PTTG1IP2: variants seen among roughly 807,000 people sequenced by gnomAD.
PTTG1IP2 encodes PTTG1IP family member 2.
chr7:90,505,220 A>C (rs1489499929), intron 6 of PTTG1IP2, among the ~76,000 whole-genome samples: 1 of 152,210 alleles, frequency 6.6e-6, no homozygotes, highest in Non-Finnish European at 1.5e-5. Flanking sequence ...AGGGTATTCG[A>C]TGCCTTTTCA....
rs922208594 is a variant in PTTG1IP2, at chr7:90,488,910, T to A, written c.326T>A (p.Val109Glu). The A allele has an allele frequency of 1.3e-5, 2 of 151,988 alleles. No individual in the cohort carries two copies. Among genetic ancestry groups the A allele is most frequent in the Non-Finnish European group, 2.9e-5 (2 of 67,846 alleles). The allele number at this position is 151,988 out of a possible 1,614,324, so 9.4% of individuals were successfully genotyped here. Reference sequence around the variant, plus strand: ...ATCATGATGCTTCTACTCATTGCAGTATTAATTACAGGATTCGTTTGGTAC... The same window carrying A: ...ATCATGATGCTTCTACTCATTGCAGAATTAATTACAGGATTCGTTTGGTAC... ...FGIMMLLLIA[V>E]LITGFVWYCC... The change falls in exon 4 of 7, where the codon GTA (valine) becomes GAA (glutamate). Residue 109 changes from valine (V) to glutamate (E), a missense_variant. Val to Glu is a moderately radical substitution (Grantham distance 121). Coordinates refer to ENST00000509356, the MANE Select transcript of PTTG1IP2 (RefSeq NM_001365443.2).
At chr7:90,477,148 C>T (rs532894715) in intron 1 of PTTG1IP2, among the ~76,000 whole-genome samples, 2 of 151,890 alleles carry the variant, frequency 1.3e-5, no homozygotes, top group African/African-American at 2.4e-5. Context: ...ACAGAAGTCA[C>T]GAAAAATGTA....
At chr7:90,503,840 TGA>T (rs1390725681) in intron 6 of PTTG1IP2, among the ~76,000 whole-genome samples, 2 of 152,130 alleles carry the variant, frequency 1.3e-5, no homozygotes, top group African/African-American at 4.8e-5. Flanking sequence ...TACCAAAATG[TGA>T]TAGAGACACA....
At chr7:90,510,906 A>G (rs1798182378) in intron 6 of PTTG1IP2, among the ~76,000 whole-genome samples, 1 of 152,202 alleles carries the variant, frequency 6.6e-6, no homozygotes, top group Non-Finnish European at 1.5e-5. Context: ...AAAACTTGGA[A>G]AATACCACTG....
intron 2 of PTTG1IP2, among the ~76,000 whole-genome samples, chr7:90,485,970 G>A (rs868673719): frequency 2.0e-5 from 3 of 152,298 alleles, no homozygotes; most frequent in African/African-American, 7.2e-5. Flanking sequence ...TTCGGCAACC[G>A]TCCAGGAGGA....
At chr7:90,493,641 A>G (rs999141462) in intron 5 of PTTG1IP2, among the ~76,000 whole-genome samples, 6 of 152,206 alleles carry the variant, frequency 3.9e-5, no homozygotes, top group African/African-American at 1.4e-4. Context: ...TCAAATTCAC[A>G]AGGCAGGATG....
At chr7:90,477,127 G>T (rs1797756957) in intron 1 of PTTG1IP2, among the ~76,000 whole-genome samples, 1 of 152,172 alleles carries the variant, frequency 6.6e-6, no homozygotes, top group Non-Finnish European at 1.5e-5. Flanking sequence ...AAGAGAGCTA[G>T]GAGAAATGAT....
At chr7:90,510,670 A>C (rs995792958) in intron 6 of PTTG1IP2, among the ~76,000 whole-genome samples, 11 of 152,218 alleles carry the variant, frequency 7.2e-5, no homozygotes, top group Admixed American at 2.0e-4. Context: ...AAAGTTTTTG[A>C]AGTTTCTCCA....
In PTTG1IP2 at chr7:90,493,286, G is replaced by A. The variant is rs28947782; in HGVS notation, c.451+977G>A. On this transcript the variant is annotated intron_variant, in intron 5 of 6. Coordinates refer to ENST00000509356, the MANE Select transcript of PTTG1IP2 (RefSeq NM_001365443.2). ...AGGGTAAACCTTTTAGGGTAAGGAT[G>A]AAATGGTAAGCACATACACACTCTT... Among the ~76,000 whole-genome samples, 119 of 152,236 alleles carry A rather than the reference G, an allele frequency of 7.8e-4. 3 individuals are homozygous for A. Among genetic ancestry groups the A allele is most frequent in the Admixed American group, 4.2e-3 (64 of 15,292 alleles).
At chr7:90,513,250 A>C (rs1798209221) in intron 6 of PTTG1IP2, 28 bp from the exon 7 acceptor site, 1 of 152,626 alleles carries the variant, frequency 6.6e-6, no homozygotes, top group South Asian at 2.1e-4. Context: ...TTGTATTTCC[A>C]ATAATGAATG....
At chr7:90,488,299 AC>A (rs1382409428) in intron 3 of PTTG1IP2, among the ~76,000 whole-genome samples, 2 of 142,702 alleles carry the variant, frequency 1.4e-5, no homozygotes, top group Non-Finnish European at 3.1e-5. Context: ...TAAAGAAGTT[AC>A]ACTTCTTGTA....
chr7:90,496,097 A>T lies in PTTG1IP2; in HGVS notation c.*50+1667A>T, dbSNP rs891119000. ...AATTTTGCACCTATATTCATCAGGGATATTAGCCCGCAATTTTCTTTTCTC... is the reference window on the plus strand; with the variant it reads ...AATTTTGCACCTATATTCATCAGGGTTATTAGCCCGCAATTTTCTTTTCTC... On this transcript the variant is annotated intron_variant, in intron 6 of 6. Coordinates refer to ENST00000509356, the MANE Select transcript of PTTG1IP2 (RefSeq NM_001365443.2). Among the ~76,000 whole-genome samples the T allele has an allele frequency of 1.1e-4, 16 of 152,282 alleles. No individual in the cohort carries two copies. In the East Asian group the frequency reaches 2.9e-3, roughly 28 times the overall value.
At chr7:90,482,709 G>A (rs1584692950) in intron 2 of PTTG1IP2, among the ~76,000 whole-genome samples, 1 of 152,126 alleles carries the variant, frequency 6.6e-6, no homozygotes, top group African/African-American at 2.4e-5. Context: ...GTGTCACAAT[G>A]ATAAGACTTG....
At chr7:90,495,488 G>C (rs2116096918) in intron 6 of PTTG1IP2, among the ~76,000 whole-genome samples, 2 of 152,276 alleles carry the variant, frequency 1.3e-5, no homozygotes, top group East Asian at 3.9e-4. Context: ...GTGCACATTT[G>C]CCTTTCAGCA....
At chr7:90,489,112 G>A (rs1424972913) in intron 4 of PTTG1IP2, 148 bp downstream of exon 4, 19 of 150,880 alleles carry the variant, frequency 1.3e-4, no homozygotes, top group East Asian at 1.9e-4. Flanking sequence ...CAAAAAGTAC[G>A]GAAATTGTAA....
At chr7:90,507,877 C>T (rs1223626671) in intron 6 of PTTG1IP2, among the ~76,000 whole-genome samples, 3 of 152,034 alleles carry the variant, frequency 2.0e-5, no homozygotes, top group Non-Finnish European at 4.4e-5. Context: ...GCTGTGAGAT[C>T]ATAAAGAGGA....
intron 2 of PTTG1IP2, among the ~76,000 whole-genome samples, chr7:90,480,620 A>G (rs1797805359): frequency 6.6e-6 from 1 of 152,188 alleles, no homozygotes; most frequent in Non-Finnish European, 1.5e-5. Context: ...AAATATTACA[A>G]GTTCATCCAT....
chr7:90,484,032 G>C (rs1403039537), intron 2 of PTTG1IP2, among the ~76,000 whole-genome samples: 2 of 143,454 alleles, frequency 1.4e-5, no homozygotes, highest in East Asian at 4.0e-4. Flanking sequence ...TTTCTGGATA[G>C]TTTTTTTTTT....
chr7:90,486,256 C>A (rs1007952681), intron 2 of PTTG1IP2, among the ~76,000 whole-genome samples: 1 of 152,028 alleles, frequency 6.6e-6, no homozygotes, highest in Non-Finnish European at 1.5e-5. Flanking sequence ...CCCAGGCTCC[C>A]CTATTTACTA....
Sources: gnomAD v4.1 joint callset for allele counts (sites outside exome capture counted in the v4.1 genomes callset) on GRCh38, gnomAD v4.1.1 for gene constraint, MANE v1.5 for transcripts, NCBI Gene and HGNC (gene_info 2026-07-23, HGNC 2026-07-21) for gene names.